The following PTDSS1 variants were observed in gnomAD, a reference collection of about 807,000 sequenced individuals.
PTDSS1 encodes the protein PSS-1.
Under a neutral mutation model 70.5 loss-of-function variants are expected in PTDSS1, and 45 were observed. That is an observed-to-expected ratio of 0.64 (90% CI 0.50 to 0.82). The LOEUF is 0.82. Ranked by LOEUF, PTDSS1 falls within the 40% of genes least tolerant of loss-of-function variation. The pLI is 0.00. For missense variants in PTDSS1, 417 were observed against 586.1 expected (o/e 0.71, Z 2.98); for synonymous variants, 188 against 203.8 (o/e 0.92, Z 0.66).
intron 4 of PTDSS1, among the ~76,000 whole-genome samples, chr8:96,292,725 T>C (rs918757506): frequency 2.0e-5 from 3 of 152,234 alleles, no homozygotes; most frequent in African/African-American, 7.2e-5. Flanking sequence ...TCTCAGCTGA[T>C]TTCTTCCTGT....
intron 4 of PTDSS1, among the ~76,000 whole-genome samples, chr8:96,293,903 G>GC (rs11385847): frequency 0.22 from 34,192 of 152,112 alleles, 7,966 homozygotes; most frequent in African/African-American, 0.6. Flanking sequence ...ACCTGCTTCA[G>GC]CTAAGGGCAT....
At chr8:96,303,714 T>A (rs567843483) in intron 6 of PTDSS1, among the ~76,000 whole-genome samples, 137 of 152,348 alleles carry the variant, frequency 9.0e-4, no homozygotes, top group Non-Finnish European at 1.5e-3. Flanking sequence ...AAATGTTTAC[T>A]GCTCTGGGGA....
chr8:96,330,441 C>G (rs1045773128), intron 11 of PTDSS1, 160 bp downstream of exon 11: 14 of 662,034 alleles, frequency 2.1e-5, no homozygotes, highest in Non-Finnish European at 3.6e-5. Context: ...AACTCATTCC[C>G]TAGCCATTGC....
intron 5 of PTDSS1, among the ~76,000 whole-genome samples, chr8:96,297,869 CCAAGGACTTTGCCTTATA>C (rs755800551): frequency 1.3e-5 from 2 of 152,232 alleles, no homozygotes; most frequent in Non-Finnish European, 2.9e-5. Context: ...ATTCCCAGAC[CCAAGGACTTTGCCTTATA>C]CATGGCAGAT....
intron 2 of PTDSS1, chr8:96,283,878 C>A (rs530332957): frequency 5.7e-5 from 26 of 456,848 alleles, no homozygotes; most frequent in African/African-American, 5.1e-4. Context: ...TATAAAAAAT[C>A]TCTGTTGTGG....
At chr8:96,295,871 T>C (rs1004063120) in intron 5 of PTDSS1, among the ~76,000 whole-genome samples, 7 of 152,204 alleles carry the variant, frequency 4.6e-5, no homozygotes, top group African/African-American at 1.4e-4. Context: ...ATGCTCATCA[T>C]TGTCCTGACC....
In PTDSS1 at chr8:96,281,647, C is replaced by T. The variant is rs895060735; in HGVS notation, c.272-2462C>T. Among the ~76,000 whole-genome samples, 3 of 152,292 alleles carry T rather than the reference C, an allele frequency of 2.0e-5. 1 individual carries two copies. The highest frequency in any genetic ancestry group is 2.0e-4 in the Admixed American group (3 of 15,302). On this transcript the variant is annotated intron_variant, in intron 2 of 12. Transcript: ENST00000517309. ...CTAAACACTCCTAGCTTGTTTCTTTCCCCTCACTCTCCTGGTTCTGAAACC... is the reference window on the plus strand; with the variant it reads ...CTAAACACTCCTAGCTTGTTTCTTTTCCCTCACTCTCCTGGTTCTGAAACC...
intron 9 of PTDSS1, 51 bp downstream of exon 9, chr8:96,309,673 T>A: frequency 6.4e-7 from 1 of 1,570,432 alleles, no homozygotes; most frequent in South Asian, 1.1e-5. Flanking sequence ...GCCCTAATTT[T>A]ATTTGGGTAT....
chr8:96,273,794 G>A (rs1810601100), intron 2 of PTDSS1, among the ~76,000 whole-genome samples: 1 of 152,276 alleles, frequency 6.6e-6, no homozygotes, highest in East Asian at 1.9e-4. Context: ...TAAGGACAGG[G>A]TCAATGCTGT....
intron 6 of PTDSS1, 76 bp downstream of exon 6, chr8:96,299,921 T>G: frequency 6.8e-7 from 1 of 1,478,340 alleles, no homozygotes; most frequent in Non-Finnish European, 9.1e-7. Flanking sequence ...GGAATCCATT[T>G]TAGTATGATC....
intron 10 of PTDSS1, 43 bp downstream of exon 10, chr8:96,320,388 A>T (rs769938416): frequency 6.0e-6 from 9 of 1,494,694 alleles, no homozygotes; most frequent in Non-Finnish European, 7.5e-6. Flanking sequence ...CTAAACTCTC[A>T]TAGTATCACT....
At chr8:96,284,261 T>A in intron 3 of PTDSS1, 108 bp downstream of exon 3, 1 of 1,061,130 alleles carries the variant, frequency 9.4e-7, no homozygotes, top group Non-Finnish European at 1.4e-6. Flanking sequence ...AACTTTATTC[T>A]AGCTTTTTGC....
At chr8:96,268,102 C>T (rs1810513738) in intron 1 of PTDSS1, among the ~76,000 whole-genome samples, 1 of 152,192 alleles carries the variant, frequency 6.6e-6, no homozygotes, top group African/African-American at 2.4e-5. Context: ...GATAGACATC[C>T]AGTAAATGCT....
At chr8:96,294,108 A>G (rs1018553649) in intron 4 of PTDSS1, among the ~76,000 whole-genome samples, 11 of 152,212 alleles carry the variant, frequency 7.2e-5, no homozygotes, top group Non-Finnish European at 1.3e-4. Flanking sequence ...CTTCTCAAAA[A>G]ATAGAATTCT....
intron 6 of PTDSS1, among the ~76,000 whole-genome samples, chr8:96,302,516 C>T (rs951498640): frequency 6.6e-6 from 1 of 152,152 alleles, no homozygotes; most frequent in Non-Finnish European, 1.5e-5. Context: ...TAGTAATTTG[C>T]CTAAGGACAC....
At chr8:96,299,020 A>G (rs1811014469) in intron 5 of PTDSS1, among the ~76,000 whole-genome samples, 1 of 151,654 alleles carries the variant, frequency 6.6e-6, no homozygotes, top group South Asian at 2.1e-4. Flanking sequence ...AGCCTGGGCA[A>G]CAGAGCAAGA....
intron 1 of PTDSS1, among the ~76,000 whole-genome samples, chr8:96,265,648 C>G (rs1286418718): frequency 6.6e-6 from 1 of 152,154 alleles, no homozygotes. Context: ...TGGCATGCAC[C>G]TGGAGGCTGA....
intron 4 of PTDSS1, among the ~76,000 whole-genome samples, chr8:96,294,455 A>G (rs1429625582): frequency 6.6e-6 from 1 of 152,184 alleles, no homozygotes; most frequent in African/African-American, 2.4e-5. Flanking sequence ...AAAAACAAAG[A>G]TATTAGAAAT....
At chr8:96,309,761 C>A (rs1811180694) in intron 9 of PTDSS1, 139 bp downstream of exon 9, 1 of 609,008 alleles carries the variant, frequency 1.6e-6, no homozygotes, top group Non-Finnish European at 2.9e-6. Flanking sequence ...ATATCTATAT[C>A]TATATCTATA....
Sources: gnomAD v4.1 joint callset for allele counts (sites outside exome capture counted in the v4.1 genomes callset) on GRCh38, gnomAD v4.1.1 for gene constraint, MANE v1.5 for transcripts, NCBI Gene and HGNC (gene_info 2026-07-23, HGNC 2026-07-21) for gene names.